The following CACNA1E variants were observed in gnomAD, a reference collection of about 807,000 sequenced individuals.
CACNA1E encodes voltage-dependent R-type calcium channel subunit alpha-1E.
Under a neutral mutation model 259.2 loss-of-function variants are expected in CACNA1E, and 40 were observed. The ratio of observed to expected loss-of-function variants is 0.15; its 90% CI spans 0.12 to 0.20. CACNA1E has a LOEUF of 0.20. Ranked by LOEUF, CACNA1E falls within the 10% of genes least tolerant of loss-of-function variation. The probability of loss-of-function intolerance (pLI) is 1.00; values close to 1 mark genes in which losing one functional copy is unlikely to be tolerated. For missense variants in CACNA1E, 1,874 were observed against 3,040.1 expected (o/e 0.62, Z 9.02); for synonymous variants, 1,104 against 1,138.5 (o/e 0.97, Z 0.61).
At position 181,720,190 on chromosome 1, in the gene CACNA1E, T is replaced by C; in HGVS notation, c.1752-16T>C. 3 of 1,613,812 alleles carry C rather than the reference T, an allele frequency of 1.9e-6. No homozygotes were observed. The highest frequency in any genetic ancestry group is 2.5e-6 in the Non-Finnish European group (3 of 1,179,788). ...TATGCAGTGTTCACAGCTGTCACAT[T>C]GTCTGGGTTTTGTAGGTATTGGGCT... is the stretch of plus-strand genomic sequence containing the variant. On this transcript the variant is annotated splice_polypyrimidine_tract_variant and intron_variant, in intron 13 of 47. Coordinates refer to ENST00000367573, the MANE Select transcript of CACNA1E (RefSeq NM_001205293.3).
intron 1 of CACNA1E, among the ~76,000 whole-genome samples, chr1:181,370,115 G>C (rs2101952393): frequency 6.6e-6 from 1 of 151,972 alleles, no homozygotes; most frequent in African/African-American, 2.4e-5. Flanking sequence ...GGACATTCAG[G>C]GGTGTGGTTA....
rs1656022956 is a variant in CACNA1E, at chr1:181,736,278, G to A, written c.3266G>A (p.Ser1089Asn). 1.3e-6 allele frequency: 2 copies of A among 1,586,008 alleles called. No homozygotes were observed. The highest frequency in any genetic ancestry group is 1.3e-5 in the African/African-American group (1 of 74,382). The change falls in exon 22 of 48, where the codon AGC becomes AAC. Residue 1089 changes from serine to asparagine, a missense_variant. Physicochemically the swap from Ser to Asn is conservative, Grantham distance 46. Around this residue, in one of 14 missense-constraint regions of CACNA1E, gnomAD observed 476 missense variants for 514.0 expected, o/e 0.93. Transcript: ENST00000367573. ...TTTCAACGTGTTCCTCTTGCAGTTA[G>A]CAACAAGACGGATGGGGAAGCCAGT... is the stretch of plus-strand genomic sequence containing the variant. The part of the protein sequence containing the change: ...PLVDSTVVHI[S>N]NKTDGEASPL...
At chr1:181,559,140 G>A (rs994600741) in intron 3 of CACNA1E, among the ~76,000 whole-genome samples, 3 of 152,198 alleles carry the variant, frequency 2.0e-5, no homozygotes, top group African/African-American at 7.2e-5. Context: ...AATCTTGCAG[G>A]GCCTGGGAGA....
intron 1 of CACNA1E, among the ~76,000 whole-genome samples, chr1:181,509,738 T>G (rs1456566953): frequency 1.3e-5 from 2 of 152,154 alleles, no homozygotes; most frequent in East Asian, 3.8e-4. Flanking sequence ...AAAGCCTGCA[T>G]TCATTCATTG....
At chr1:181,354,153 T>A (rs1034730688) in intron 1 of CACNA1E, among the ~76,000 whole-genome samples, 1 of 151,878 alleles carries the variant, frequency 6.6e-6, no homozygotes, top group South Asian at 2.1e-4. Flanking sequence ...ACTTTTTTTT[T>A]TTTTTTTTTA....
At position 181,733,768 on chromosome 1, in the gene CACNA1E, G is replaced by A; in HGVS notation, c.3262+18G>A. On this transcript the variant is annotated intron_variant, in intron 21 of 47. Coordinates refer to ENST00000367573, the MANE Select transcript of CACNA1E (RefSeq NM_001205293.3). The stretch of plus-strand genomic sequence containing the variant: ...GGTGCACAGTGAGAGCACAGTCCCT[G>A]TTCCCCTCCACCCCCAACTCCTATC... 6.7e-7 allele frequency: 1 copy of A among 1,487,212 alleles called. No homozygotes were observed. Among genetic ancestry groups the A allele is most frequent in the South Asian group, 1.4e-5 (1 of 72,562 alleles). 92.1% of individuals were successfully genotyped at this position (1,487,212 alleles called of 1,614,324 possible).
chr1:181,489,818 T>A (rs1464189159), intron 1 of CACNA1E, among the ~76,000 whole-genome samples: 1 of 152,166 alleles, frequency 6.6e-6, no homozygotes, highest in African/African-American at 2.4e-5. Context: ...GAAATTAGTG[T>A]CTAACACTCC....
chr1:181,405,805 A>G (rs1182052434), intron 1 of CACNA1E, among the ~76,000 whole-genome samples: 1 of 152,198 alleles, frequency 6.6e-6, no homozygotes, highest in Non-Finnish European at 1.5e-5. Context: ...CCTTGCCTGT[A>G]AGCCTCATGC....
chr1:181,622,134 T>C (rs945123823), intron 6 of CACNA1E, among the ~76,000 whole-genome samples: 7 of 152,204 alleles, frequency 4.6e-5, no homozygotes, highest in African/African-American at 1.7e-4. Context: ...CACTGGTCCA[T>C]CAGAGCTGCC....
At chr1:181,657,480 A>G (rs1226105770) in intron 7 of CACNA1E, among the ~76,000 whole-genome samples, 1 of 152,228 alleles carries the variant, frequency 6.6e-6, no homozygotes, top group Non-Finnish European at 1.5e-5. Context: ...TTCAGGGGTT[A>G]GGAGAGGTAA....
Position 181,731,095 on chromosome 1 carries a change from C to A in CACNA1E, c.2241-80C>A, listed in dbSNP as rs548702125. 138 of 1,142,506 alleles carry A rather than the reference C, an allele frequency of 1.2e-4. 2 individuals carry two copies. The East Asian group carries it at 2.8e-3, about 23-fold the overall frequency. The allele number at this position is 1,142,506 out of a possible 1,614,324, so 70.8% of individuals were successfully genotyped here. On this transcript the variant is annotated intron_variant, in intron 18 of 47. Transcript: ENST00000367573. ...CACACAGAGGACTCCCTGTCTCCCT[C>A]TGGAAATCTGCTGGTGGCTGTGGGG...
chr1:181,403,875 C>T (rs1364902206), intron 1 of CACNA1E, among the ~76,000 whole-genome samples: 2 of 152,126 alleles, frequency 1.3e-5, no homozygotes, highest in African/African-American at 4.8e-5. Context: ...TGGCCCTGCT[C>T]TCCTCCATGT....
intron 1 of CACNA1E, among the ~76,000 whole-genome samples, chr1:181,378,188 G>A (rs1046558454): frequency 6.6e-6 from 1 of 152,172 alleles, no homozygotes; most frequent in Admixed American, 6.5e-5. Flanking sequence ...TGATATAGGT[G>A]TAATAATAAT....
chr1:181,770,608 C>G (rs1659419833), intron 35 of CACNA1E, among the ~76,000 whole-genome samples: 2 of 152,172 alleles, frequency 1.3e-5, no homozygotes. Context: ...CATTTTAGCT[C>G]CTGCATAAAT....
chr1:181,429,923 C>G (rs779193770), intron 2 of CACNA1E, among the ~76,000 whole-genome samples: 1 of 152,240 alleles, frequency 6.6e-6, no homozygotes, highest in Non-Finnish European at 1.5e-5. Context: ...GATTGAGACC[C>G]ATGGCAACTG....
intron 1 of CACNA1E, among the ~76,000 whole-genome samples, chr1:181,335,126 A>C (rs1366491966): frequency 1.3e-5 from 2 of 152,156 alleles, no homozygotes; most frequent in Non-Finnish European, 2.9e-5. Context: ...TCACTGTATC[A>C]GTGAGGCCTT....
intron 6 of CACNA1E, among the ~76,000 whole-genome samples, chr1:181,589,527 C>T (rs1652420766): frequency 6.6e-6 from 1 of 151,938 alleles, no homozygotes; most frequent in Non-Finnish European, 1.5e-5. Flanking sequence ...GCAGAGATCT[C>T]TGGGAGGATT....
chr1:181,595,491 T>C (rs1314475524), intron 6 of CACNA1E, among the ~76,000 whole-genome samples: 6 of 152,106 alleles, frequency 3.9e-5, no homozygotes, highest in Non-Finnish European at 8.8e-5. Context: ...GTCACAAGCT[T>C]CCCTTTCTCC....
chr1:181,615,121 C>T (rs776253280), intron 6 of CACNA1E, among the ~76,000 whole-genome samples: 1 of 152,160 alleles, frequency 6.6e-6, no homozygotes, highest in East Asian at 1.9e-4. Flanking sequence ...GTAATATAGT[C>T]ATCCATTCAT....
Sources: gnomAD v4.1 joint callset for allele counts (sites outside exome capture counted in the v4.1 genomes callset) on GRCh38, gnomAD v4.1.1 for gene constraint, gnomAD v4.1.1 regional missense constraint, MANE v1.5 for transcripts, NCBI Gene and HGNC (gene_info 2026-07-23, HGNC 2026-07-21) for gene names.